NUTM2B: variants seen among roughly 807,000 people sequenced by gnomAD.
The protein encoded by NUTM2B is family with sequence similarity 22, member B.
A neutral mutation model predicts 42.4 loss-of-function variants in NUTM2B; 2 were observed. That is an observed-to-expected ratio of 0.05 (90% CI 0.02 to 0.15). The LOEUF (loss-of-function observed/expected upper bound fraction) is 0.15. Among genes scored for constraint, NUTM2B ranks in the 10% least tolerant of loss-of-function variants. NUTM2B has a pLI of 1.00. For synonymous variants in NUTM2B, 18 were observed against 402.4 expected (o/e 0.04, Z 11.43); for missense variants, 58 against 952.6 (o/e 0.06, Z 12.36).
chr10:79,701,645 C>G (rs1440363774), upstream of NUTM2B, among the ~76,000 whole-genome samples: 11 of 150,660 alleles, frequency 7.3e-5, no homozygotes, highest in Admixed American at 1.3e-4. Flanking sequence ...CATGTGTCCT[C>G]TGAACAGGGG....
At position 79,711,792 on chromosome 10, in the gene NUTM2B, T is replaced by G. The variant is rs544279492; in HGVS notation, c.1944T>G (p.Ser648=). 2,575 of 1,608,064 alleles carry G rather than the reference T, an allele frequency of 1.6e-3. 91 individuals are homozygous for G. The African/African-American group carries it at 0.029, about 18-fold the overall frequency. Residue 648 remains serine (S), a synonymous_variant, in exon 7 of 7, where the codon TCT becomes TCG. Coordinates refer to ENST00000429828, the Ensembl canonical transcript of NUTM2B. ...CAGCCCGGTTGGACTCAAGTTCTTC[T>G]AAGTTTGCAGCTGGCCAAGGAGCAG...
At chr10:79,696,491 T>A in the NUTM2B span, among the ~76,000 whole-genome samples, 2 of 151,232 alleles carry the variant, frequency 1.3e-5, no homozygotes, top group African/African-American at 4.9e-5. Flanking sequence ...TCATATATCC[T>A]GAACAGACAC....
chr10:79,698,009 C>T, the NUTM2B span, among the ~76,000 whole-genome samples: 1 of 151,210 alleles, frequency 6.6e-6, no homozygotes, highest in African/African-American at 2.4e-5. Context: ...TCTGAGAACA[C>T]ACATACAAGT....
At chr10:79,700,137 G>A (rs569149088), upstream of NUTM2B, among the ~76,000 whole-genome samples, 99 of 152,298 alleles carry the variant, frequency 6.5e-4, no homozygotes, top group African/African-American at 2.2e-3. Context: ...GTGCTACCAA[G>A]CGAACAAACT....
chr10:79,694,301 G>A, the NUTM2B span, among the ~76,000 whole-genome samples: 2 of 151,908 alleles, frequency 1.3e-5, no homozygotes, highest in South Asian at 2.1e-4. Context: ...GGAGGCTGAC[G>A]CAGGAGAATG....
At chr10:79,702,417 G>A (rs1451545405), upstream of NUTM2B, among the ~76,000 whole-genome samples, 3 of 149,548 alleles carry the variant, frequency 2.0e-5, no homozygotes, top group Non-Finnish European at 4.5e-5. Flanking sequence ...CAGGAGTTAG[G>A]AAATGACCTT....
At chr10:79,693,009 T>G in the NUTM2B span, among the ~76,000 whole-genome samples, 1 of 152,196 alleles carries the variant, frequency 6.6e-6, no homozygotes, top group East Asian at 1.9e-4. Context: ...CTGGGGACTC[T>G]TGTGTGTAGA....
At chr10:79,695,051 T>G in the NUTM2B span, among the ~76,000 whole-genome samples, 1 of 152,200 alleles carries the variant, frequency 6.6e-6, no homozygotes, top group East Asian at 1.9e-4. Context: ...CCCCAGGACC[T>G]GAGCCCGTGT....
At chr10:79,702,529 C>T (rs908497185), upstream of NUTM2B, among the ~76,000 whole-genome samples, 4 of 151,666 alleles carry the variant, frequency 2.6e-5, no homozygotes, top group Admixed American at 6.6e-5. Context: ...GTTACATTTT[C>T]CTGCAACTCT....
chr10:79,702,513 G>A (rs1302362875), upstream of NUTM2B, among the ~76,000 whole-genome samples: 9 of 151,774 alleles, frequency 5.9e-5, no homozygotes, highest in Non-Finnish European at 8.8e-5. Context: ...CTGCAGTGTG[G>A]CCGCTGTTAC....
chr10:79,707,366 C>T (rs1840411893), intron 2 of NUTM2B, among the ~76,000 whole-genome samples: 1 of 132,690 alleles, frequency 7.5e-6, no homozygotes, highest in African/African-American at 3.0e-5. Flanking sequence ...ATATGACATG[C>T]ATAGCACAGT....
At chr10:79,695,958 C>T in the NUTM2B span, among the ~76,000 whole-genome samples, 1 of 149,300 alleles carries the variant, frequency 6.7e-6, no homozygotes, top group Non-Finnish European at 1.5e-5. Context: ...GATTCTTTGG[C>T]CCTAAGAATG....
At chr10:79,701,492 A>G (rs556121554), upstream of NUTM2B, among the ~76,000 whole-genome samples, 1 of 152,078 alleles carries the variant, frequency 6.6e-6, no homozygotes, top group South Asian at 2.1e-4. Flanking sequence ...CTTTCTGCTC[A>G]TTTGCAGGAT....
the NUTM2B span, among the ~76,000 whole-genome samples, chr10:79,698,040 G>A: frequency 6.6e-6 from 1 of 151,212 alleles, no homozygotes; most frequent in Non-Finnish European, 1.5e-5. Context: ...AATTCTGCGA[G>A]TATTACATTT....
chr10:79,698,910 T>C (rs916027592), upstream of NUTM2B, among the ~76,000 whole-genome samples: 2 of 152,102 alleles, frequency 1.3e-5, no homozygotes, highest in Non-Finnish European at 2.9e-5. Context: ...CAAATACACA[T>C]ACAGTTCCAC....
chr10:79,692,137 G>A, the NUTM2B span: 1 of 151,664 alleles, frequency 6.6e-6, no homozygotes, highest in Non-Finnish European at 1.5e-5. Context: ...AGAGCAGGGA[G>A]CCCATGCTCC....
upstream of NUTM2B, among the ~76,000 whole-genome samples, chr10:79,700,740 C>T (rs1319321446): frequency 6.6e-6 from 1 of 152,368 alleles, no homozygotes; most frequent in African/African-American, 2.4e-5. Context: ...CATCAACCGC[C>T]GCAACCGGCG....
chr10:79,701,218 AAC>A (rs778007302), upstream of NUTM2B, among the ~76,000 whole-genome samples: 35 of 152,184 alleles, frequency 2.3e-4, 1 homozygote, highest in Non-Finnish European at 4.6e-4. Flanking sequence ...TAGATCTGAA[AAC>A]ACACTCCAAA....
upstream of NUTM2B, among the ~76,000 whole-genome samples, chr10:79,702,628 C>G (rs910322218): frequency 6.6e-6 from 1 of 150,514 alleles, no homozygotes; most frequent in African/African-American, 2.5e-5. Context: ...CAGTGTGCAC[C>G]GGTCTGGCTG....
Sources: allele counts gnomAD v4.1 joint callset (sites outside exome capture counted in the v4.1 genomes callset), GRCh38; gene constraint gnomAD v4.1.1; transcripts MANE v1.5; gene names NCBI Gene and HGNC (gene_info 2026-07-23, HGNC 2026-07-21).